The following CNTN5 variants were observed in gnomAD, a reference collection of about 807,000 sequenced individuals.
CNTN5 encodes contactin-5.
A neutral mutation model predicts 129.1 loss-of-function variants in CNTN5; 77 were observed. The observed-to-expected ratio is 0.60, with a 90% confidence interval of 0.50 to 0.72. The LOEUF (loss-of-function observed/expected upper bound fraction) is 0.72, where lower values mean the gene tolerates loss of function less well. CNTN5 is among the 30% of genes least tolerant of loss of function. The pLI is 0.00. For synonymous variants in CNTN5, 509 were observed against 465.6 expected, an observed-to-expected ratio of 1.09 and a Z score of -1.20; for missense variants, 1,478 against 1,328.8, an observed-to-expected ratio of 1.11 and a Z score of -1.75.
intron 2 of CNTN5, among the ~76,000 whole-genome samples, chr11:99,524,736 G>C (rs1424839194): frequency 6.6e-6 from 1 of 151,958 alleles, no homozygotes; most frequent in Non-Finnish European, 1.5e-5. Flanking sequence ...CTGGGAGGCA[G>C]AGGTTGCAGT....
At chr11:100,315,399 T>C (rs1160018124) in intron 21 of CNTN5, among the ~76,000 whole-genome samples, 3 of 152,218 alleles carry the variant, frequency 2.0e-5, no homozygotes, top group Admixed American at 6.5e-5. Context: ...TGAATTGCTT[T>C]ATCTAATAGA....
chr11:99,167,054 G>T (rs1405869129), intron 1 of CNTN5, among the ~76,000 whole-genome samples: 1 of 152,092 alleles, frequency 6.6e-6, no homozygotes, highest in East Asian at 1.9e-4. Context: ...TAATTAAGAA[G>T]TATGTGACAG....
intron 13 of CNTN5, among the ~76,000 whole-genome samples, chr11:100,132,738 C>T (rs1311632900): frequency 6.6e-6 from 1 of 151,940 alleles, no homozygotes; most frequent in East Asian, 1.9e-4. Context: ...GAACTGAAAC[C>T]AAATGGTGCG....
intron 6 of CNTN5, among the ~76,000 whole-genome samples, chr11:99,909,472 A>G (rs570176126): frequency 3.7e-4 from 56 of 152,262 alleles, no homozygotes; most frequent in African/African-American, 1.3e-3. Context: ...TATATACCCA[A>G]AGGATTATAA....
At chr11:99,230,383 T>C (rs972260151) in intron 1 of CNTN5, among the ~76,000 whole-genome samples, 15 of 152,068 alleles carry the variant, frequency 9.9e-5, no homozygotes, top group Non-Finnish European at 1.6e-4. Context: ...ATTCAACTGA[T>C]TTTGGGAAAA....
chr11:99,748,543 A>G (rs751866086), intron 3 of CNTN5, among the ~76,000 whole-genome samples: 1 of 152,162 alleles, frequency 6.6e-6, no homozygotes, highest in Non-Finnish European at 1.5e-5. Flanking sequence ...AGAAAAGCCA[A>G]TGTATAATTA....
chr11:100,301,114 T>C (rs1951208986), intron 20 of CNTN5, among the ~76,000 whole-genome samples: 1 of 151,646 alleles, frequency 6.6e-6, no homozygotes, highest in South Asian at 2.1e-4. Context: ...TTTCTATTAT[T>C]TATTGCTCAA....
intron 1 of CNTN5, among the ~76,000 whole-genome samples, chr11:99,134,673 AGTTATAG>A (rs1859127154): frequency 6.6e-6 from 1 of 152,204 alleles, no homozygotes; most frequent in South Asian, 2.1e-4. Flanking sequence ...TAATTTGATG[AGTTATAG>A]GTAAATTATG....
At chr11:100,285,283 C>T (rs893540907) in intron 18 of CNTN5, among the ~76,000 whole-genome samples, 35 of 152,194 alleles carry the variant, frequency 2.3e-4, no homozygotes, top group Non-Finnish European at 4.3e-4. Context: ...CCTACGGTCT[C>T]TTGACTTGCA....
chr11:99,232,914 A>G (rs1861075808), intron 1 of CNTN5, among the ~76,000 whole-genome samples: 1 of 152,218 alleles, frequency 6.6e-6, no homozygotes, highest in African/African-American at 2.4e-5. Flanking sequence ...TGATAAGGGA[A>G]TAAAGAATAT....
At chr11:99,054,369 G>A (rs930479794) in intron 1 of CNTN5, among the ~76,000 whole-genome samples, 1 of 151,916 alleles carries the variant, frequency 6.6e-6, no homozygotes, top group African/African-American at 2.4e-5. Context: ...GTCTTATGAA[G>A]AGGCTGATTC....
At chr11:99,984,427 A>G (rs970002488) in intron 8 of CNTN5, among the ~76,000 whole-genome samples, 1 of 152,208 alleles carries the variant, frequency 6.6e-6, no homozygotes, top group African/African-American at 2.4e-5. Context: ...GGGAATCTGC[A>G]GTAAGGCACA....
chr11:99,632,414 G>T (rs757680778), intron 3 of CNTN5, among the ~76,000 whole-genome samples: 1 of 152,046 alleles, frequency 6.6e-6, no homozygotes, highest in Non-Finnish European at 1.5e-5. Context: ...AAAGTACAGG[G>T]GTTGGAACAG....
intron 1 of CNTN5, among the ~76,000 whole-genome samples, chr11:99,100,434 A>G (rs373906791): frequency 4.0e-4 from 61 of 152,300 alleles, no homozygotes; most frequent in African/African-American, 1.4e-3. Context: ...TATGCATACT[A>G]TAAATCCTAA....
chr11:99,806,785 C>T (rs900063730), intron 3 of CNTN5, among the ~76,000 whole-genome samples: 14 of 141,466 alleles, frequency 9.9e-5, no homozygotes, highest in Admixed American at 3.0e-4. Flanking sequence ...CCAGCCTGGG[C>T]GACAGAGCAA....
intron 18 of CNTN5, among the ~76,000 whole-genome samples, chr11:100,274,547 TA>T (rs1191930511): frequency 6.6e-6 from 1 of 152,012 alleles, no homozygotes; most frequent in African/African-American, 2.4e-5. Flanking sequence ...ACAGCCCCAT[TA>T]AAAAGTGAGC....
At chr11:99,843,203 G>A (rs1421546352) in intron 4 of CNTN5, among the ~76,000 whole-genome samples, 2 of 152,122 alleles carry the variant, frequency 1.3e-5, no homozygotes, top group South Asian at 2.1e-4. Context: ...TAGACAGAGT[G>A]GGAGTGAGAC....
Position 99,665,826 on chromosome 11 carries a change from C to A in CNTN5, c.55+109557C>A, listed in dbSNP as rs893918766. Among the ~76,000 whole-genome samples the A allele has an allele frequency of 2.0e-5, 3 of 152,038 alleles. No individual in the cohort carries two copies. The South Asian group carries it at 6.2e-4, about 32-fold the overall frequency. ...TCTTGTAACAAAACACAATATAAAA[C>A]AAAATGCTAGTGGATTTTTCTTTTT... is the stretch of plus-strand genomic sequence containing the variant. On this transcript the variant is annotated intron_variant, in intron 3 of 24. Transcript: ENST00000524871.
At chr11:99,548,896 A>C (rs569505302) in intron 2 of CNTN5, among the ~76,000 whole-genome samples, 28 of 152,188 alleles carry the variant, frequency 1.8e-4, no homozygotes, top group Admixed American at 2.0e-4. Context: ...ATTCTGGAAA[A>C]TCTTAGCAAT....
Sources: allele counts gnomAD v4.1 joint callset (sites outside exome capture counted in the v4.1 genomes callset), GRCh38; gene constraint gnomAD v4.1.1; transcripts MANE v1.5; gene names NCBI Gene and HGNC (gene_info 2026-07-23, HGNC 2026-07-21).